The following KIF6 variants were observed in gnomAD, a reference collection of about 807,000 sequenced individuals.
The protein encoded by KIF6 is kinesin family member 6, also known as kinesin-like protein KIF6.
Under a neutral mutation model 112.7 loss-of-function variants are expected in KIF6, and 106 were observed. The ratio of observed to expected loss-of-function variants is 0.94; its 90% CI spans 0.80 to 1.11. The LOEUF (loss-of-function observed/expected upper bound fraction) is 1.11, where lower values mean the gene tolerates loss of function less well. KIF6 is among the 50% of genes least tolerant of loss of function. The probability of loss-of-function intolerance (pLI) is 0.00; values close to 1 mark genes in which losing one functional copy is unlikely to be tolerated. For missense variants in KIF6, 929 were observed against 964.0 expected, an observed-to-expected ratio of 0.96 and a Z score of 0.48; for synonymous variants, 339 against 339.9, an observed-to-expected ratio of 1.00 and a Z score of 0.03.
At chr6:39,482,006 G>GCACA (rs143093562) in intron 13 of KIF6, among the ~76,000 whole-genome samples, 4,957 of 141,198 alleles carry the variant, frequency 0.035, 178 homozygotes, top group African/African-American at 0.093. Flanking sequence ...GGACCTTTAG[G>GCACA]CACACACACA....
At chr6:39,493,033 C>T (rs1775562535) in intron 13 of KIF6, among the ~76,000 whole-genome samples, 1 of 152,130 alleles carries the variant, frequency 6.6e-6, no homozygotes, top group South Asian at 2.1e-4. Flanking sequence ...TTGTGTTTGC[C>T]CAGCACATGA....
intron 13 of KIF6, among the ~76,000 whole-genome samples, chr6:39,455,447 C>T (rs1399099045): frequency 6.6e-6 from 1 of 151,856 alleles, no homozygotes; most frequent in African/African-American, 2.4e-5. Flanking sequence ...ACTGGAAACT[C>T]TAAAACGCAG....
intron 3 of KIF6, among the ~76,000 whole-genome samples, chr6:39,684,873 C>T (rs574942068): frequency 6.6e-6 from 1 of 152,102 alleles, no homozygotes; most frequent in Non-Finnish European, 1.5e-5. Context: ...TCAAATGCTG[C>T]TTAAAGATCA....
intron 13 of KIF6, among the ~76,000 whole-genome samples, chr6:39,533,450 G>A (rs1158453817): frequency 1.3e-5 from 2 of 152,226 alleles, no homozygotes; most frequent in Non-Finnish European, 2.9e-5. Context: ...GAGGCAGCGA[G>A]GCTGGGGGAG....
At chr6:39,724,314 G>A (rs1176152524) in intron 1 of KIF6, among the ~76,000 whole-genome samples, 1 of 152,102 alleles carries the variant, frequency 6.6e-6, no homozygotes, top group Admixed American at 6.5e-5. Context: ...TTAACCGGGC[G>A]TGGTGGCGGG....
intron 10 of KIF6, among the ~76,000 whole-genome samples, chr6:39,564,934 C>A (rs1780202216): frequency 6.6e-6 from 1 of 152,212 alleles, no homozygotes; most frequent in African/African-American, 2.4e-5. Context: ...TTTATCAGCA[C>A]TAGGAAATCC....
intron 18 of KIF6, among the ~76,000 whole-genome samples, chr6:39,358,449 C>T (rs1048910136): frequency 6.6e-6 from 1 of 152,224 alleles, no homozygotes; most frequent in African/African-American, 2.4e-5. Context: ...TCAGTGACAT[C>T]CTGTGGGGCA....
intron 13 of KIF6, among the ~76,000 whole-genome samples, chr6:39,475,168 T>G (rs1774350520): frequency 6.6e-6 from 1 of 152,216 alleles, no homozygotes; most frequent in South Asian, 2.1e-4. Context: ...TCAACCTTTC[T>G]AAGCCTGGTT....
chr6:39,626,879 C>G (rs777838221), intron 5 of KIF6, among the ~76,000 whole-genome samples: 1 of 151,628 alleles, frequency 6.6e-6, no homozygotes, highest in African/African-American at 2.4e-5. Flanking sequence ...GATTATGAAG[C>G]CTTCCAATTT....
intron 14 of KIF6, among the ~76,000 whole-genome samples, chr6:39,429,482 T>C (rs962780368): frequency 6.6e-6 from 1 of 152,206 alleles, no homozygotes; most frequent in Non-Finnish European, 1.5e-5. Context: ...AGCCTTGCTG[T>C]GTCAGCTTTT....
intron 13 of KIF6, among the ~76,000 whole-genome samples, chr6:39,527,576 T>C (rs375753636): frequency 1.4e-4 from 21 of 152,112 alleles, no homozygotes; most frequent in African/African-American, 3.1e-4. Context: ...ACTCCACTTA[T>C]TCAATAAAGA....
Position 39,679,470 on chromosome 6 carries a change from T to C in KIF6, c.251+35222A>G, listed in dbSNP as rs538811103. Among the ~76,000 whole-genome samples the C allele has an allele frequency of 2.1e-3, 317 of 152,302 alleles. 1 individual carries two copies. The highest frequency in any genetic ancestry group is 7.3e-3 in the African/African-American group (302 of 41,562). Reference sequence around the variant, plus strand: ...TCTGTCCAGTAGAATTTTAGATCCTTTGGCTTCTTCTGAAATTCCCTTTGG... The same window carrying C: ...TCTGTCCAGTAGAATTTTAGATCCTCTGGCTTCTTCTGAAATTCCCTTTGG... On this transcript the variant is annotated intron_variant, in intron 3 of 22. Transcript: ENST00000287152.
rs1319253155 is a variant in KIF6, at chr6:39,334,823, T to A, written c.*1709A>T. 6.6e-6 allele frequency: 1 copy of A among 152,124 alleles called. No individual in the cohort carries two copies. Among genetic ancestry groups the A allele is most frequent in the East Asian group, 1.9e-4 (1 of 5,190 alleles). The allele number at this position is 152,124 out of a possible 1,614,324, so 9.4% of individuals were successfully genotyped here. ...GCAGTTACATGTGTGTTCCATGGAC[T>A]CTTGGGGAGGCTTCTAGAATCAGAA... On this transcript the variant is annotated 3_prime_UTR_variant, in exon 23 of 23. Coordinates refer to ENST00000287152, the MANE Select transcript of KIF6 (RefSeq NM_145027.6).
intron 13 of KIF6, among the ~76,000 whole-genome samples, chr6:39,444,239 CT>C (rs975927737): frequency 3.3e-5 from 5 of 151,442 alleles, no homozygotes; most frequent in African/African-American, 1.2e-4. Flanking sequence ...ACCCACCTTT[CT>C]TTTTTTTTCT....
At chr6:39,592,634 G>T (rs1378058440) in intron 7 of KIF6, among the ~76,000 whole-genome samples, 1 of 152,210 alleles carries the variant, frequency 6.6e-6, no homozygotes, top group Non-Finnish European at 1.5e-5. Flanking sequence ...TTTAGGACAA[G>T]TATGTATGTC....
chr6:39,493,493 A>G (rs552357143), intron 13 of KIF6, among the ~76,000 whole-genome samples: 2 of 152,326 alleles, frequency 1.3e-5, no homozygotes, highest in South Asian at 4.1e-4. Flanking sequence ...TGTACTCACT[A>G]GATGATGTTC....
intron 3 of KIF6, among the ~76,000 whole-genome samples, chr6:39,641,675 A>C (rs1198846412): frequency 4.2e-5 from 6 of 141,534 alleles, no homozygotes; most frequent in African/African-American, 1.1e-4. Flanking sequence ...CCAAGGAAAC[A>C]AAAAAAAAAG....
chr6:39,660,328 G>A (rs1426428951), intron 3 of KIF6, among the ~76,000 whole-genome samples: 3 of 152,132 alleles, frequency 2.0e-5, no homozygotes, highest in African/African-American at 4.8e-5. Context: ...CAGTTCATAC[G>A]GAGTATACAA....
intron 13 of KIF6, among the ~76,000 whole-genome samples, chr6:39,530,806 A>C (rs1778008772): frequency 6.6e-6 from 1 of 152,242 alleles, no homozygotes; most frequent in Non-Finnish European, 1.5e-5. Flanking sequence ...GAAACTGTTA[A>C]CACTGACATA....
Sources: gnomAD v4.1 joint callset for allele counts (sites outside exome capture counted in the v4.1 genomes callset) on GRCh38, gnomAD v4.1.1 for gene constraint, MANE v1.5 for transcripts, NCBI Gene and HGNC (gene_info 2026-07-23, HGNC 2026-07-21) for gene names.